CLOCK: variants seen among roughly 807,000 people sequenced by gnomAD.
CLOCK encodes the protein circadian locomoter output cycles protein kaput.
In CLOCK, 43 loss-of-function variants were observed where a neutral mutation model predicts 118.4. The ratio of observed to expected loss-of-function variants is 0.36; its 90% CI spans 0.28 to 0.47. The LOEUF (loss-of-function observed/expected upper bound fraction) is 0.47. Among genes scored for constraint, CLOCK ranks in the 20% least tolerant of loss-of-function variants. CLOCK has a pLI of 1.00. For missense variants in CLOCK, 846 were observed against 999.9 expected (o/e 0.85, Z 2.08); for synonymous variants, 326 against 339.2 (o/e 0.96, Z 0.43).
intron 2 of CLOCK, among the ~76,000 whole-genome samples, chr4:55,503,978 T>TAAAAAAAGAA (rs1728602161): frequency 1.4e-5 from 1 of 71,130 alleles, no homozygotes; most frequent in African/African-American, 5.1e-5. Flanking sequence ...CAAAAAGAGG[T>TAAAAAAAGAA]AAAAAAAAAA....
intron 7 of CLOCK, among the ~76,000 whole-genome samples, chr4:55,474,166 C>T (rs1462645635): frequency 6.6e-6 from 1 of 152,062 alleles, no homozygotes; most frequent in East Asian, 1.9e-4. Flanking sequence ...TTAGTGAACA[C>T]ATGTATGATA....
intron 14 of CLOCK, chr4:55,453,330 G>A: frequency 1.8e-6 from 1 of 554,046 alleles, no homozygotes; most frequent in Non-Finnish European, 3.2e-6. Context: ...ATACACTGCT[G>A]TAAACGATCC....
At position 55,443,889 on chromosome 4, in the gene CLOCK, A is replaced by G. The variant is rs1223572287; in HGVS notation, c.1700T>C (p.Leu567Ser). Reference protein sequence around the residue: ...MVHGQGLQMFLQQSNPGLNFG... With the variant: ...MVHGQGLQMFSQQSNPGLNFG... ...ATTCAACCCAGGATTTGATTGTTGCAAAAACATCTTTAAAAATAAAGATTA... is the reference window on the plus strand; with the variant it reads ...ATTCAACCCAGGATTTGATTGTTGCGAAAACATCTTTAAAAATAAAGATTA... Residue 567 changes from leucine (L) to serine (S), a missense_variant, in exon 20 of 23, where the codon TTG (leucine) becomes TCG (serine). Around this residue, in one of 4 missense-constraint regions of CLOCK, gnomAD observed 520 missense variants for 558.0 expected, o/e 0.93. Coordinates refer to ENST00000513440, the MANE Select transcript of CLOCK (RefSeq NM_004898.4). 1.9e-6 allele frequency: 3 copies of G among 1,611,930 alleles called. No individual in the cohort carries two copies. The highest frequency in any genetic ancestry group is 2.5e-6 in the Non-Finnish European group (3 of 1,179,532).
intron 11 of CLOCK, among the ~76,000 whole-genome samples, chr4:55,457,934 G>C (rs1298832384): frequency 2.0e-5 from 3 of 152,158 alleles, no homozygotes; most frequent in Non-Finnish European, 4.4e-5. Flanking sequence ...AAGAATTAAT[G>C]AGATAATGCA....
intron 1 of CLOCK, among the ~76,000 whole-genome samples, chr4:55,535,383 C>A (rs1380522496): frequency 6.6e-6 from 1 of 152,072 alleles, no homozygotes; most frequent in Admixed American, 6.6e-5. Context: ...TAAAACAGCT[C>A]ATAAATATTG....
intron 11 of CLOCK, among the ~76,000 whole-genome samples, 189 bp from the exon 12 acceptor site, chr4:55,456,489 C>T (rs563262170): frequency 2.0e-5 from 3 of 152,044 alleles, no homozygotes; most frequent in East Asian, 1.9e-4. Context: ...TGGTGAAACC[C>T]GATTTCTACT....
In CLOCK at chr4:55,430,804, A is replaced by T. The variant is rs1183371774; in HGVS notation, c.*4611T>A. ...TGCAATTTTCCTAGACCTCTGAAAA[A>T]TAAACAGGCTCATTGGTCTCTTTTG... On this transcript the variant is annotated 3_prime_UTR_variant, in exon 23 of 23. Transcript: ENST00000513440. 1 of 152,208 alleles carries T rather than the reference A, an allele frequency of 6.6e-6. No homozygotes were observed. The highest frequency in any genetic ancestry group is 1.5e-5 in the Non-Finnish European group (1 of 68,018). 9.4% of individuals were successfully genotyped at this position (152,208 alleles called of 1,614,324 possible).
At chr4:55,470,835 T>C in intron 7 of CLOCK, 29 bp from the exon 8 acceptor site, 1 of 1,494,426 alleles carries the variant, frequency 6.7e-7, no homozygotes, top group Non-Finnish European at 9.3e-7. Flanking sequence ...ATATGTTAAA[T>C]GAAAAGAAAA....
intron 2 of CLOCK, among the ~76,000 whole-genome samples, chr4:55,501,273 C>T (rs1728416287): frequency 6.7e-6 from 1 of 148,342 alleles, no homozygotes; most frequent in African/African-American, 2.4e-5. Context: ...TTTTTCCTTT[C>T]ACTTACCAAT....
At chr4:55,497,245 C>G (rs771795540) in intron 2 of CLOCK, among the ~76,000 whole-genome samples, 1 of 152,122 alleles carries the variant, frequency 6.6e-6, no homozygotes, top group Non-Finnish European at 1.5e-5. Flanking sequence ...CTCATAGCTC[C>G]CTCTACTCCA....
chr4:55,480,661 C>T (rs911403475), intron 4 of CLOCK, among the ~76,000 whole-genome samples: 7 of 152,092 alleles, frequency 4.6e-5, no homozygotes, highest in African/African-American at 1.2e-4. Context: ...GAGGCCGAGG[C>T]GGGCGGATCA....
At position 55,450,082 on chromosome 4, in the gene CLOCK, G is replaced by C. The variant is rs1205962110; in HGVS notation, c.1348+9C>G. The C allele has an allele frequency of 6.2e-7, 1 of 1,614,032 alleles. No individual in the cohort carries two copies. The highest frequency in any genetic ancestry group is 1.7e-5 in the Admixed American group (1 of 60,006). On this transcript the variant is annotated intron_variant, in intron 16 of 22. Transcript: ENST00000513440. ...TAAAGGAAGTCTGCTTTGAAGCAAGGGTACTCACAGGAAGGGTCTGAGACG... is the reference window on the plus strand; with the variant it reads ...TAAAGGAAGTCTGCTTTGAAGCAAGCGTACTCACAGGAAGGGTCTGAGACG...
chr4:55,446,965 A>G (rs894928006), intron 18 of CLOCK, among the ~76,000 whole-genome samples: 1 of 152,218 alleles, frequency 6.6e-6, no homozygotes, highest in African/African-American at 2.4e-5. Context: ...GAAATTAACA[A>G]TAACCAGACC....
chr4:55,533,315 G>A (rs555573305), intron 1 of CLOCK, among the ~76,000 whole-genome samples: 2 of 152,046 alleles, frequency 1.3e-5, no homozygotes, highest in Non-Finnish European at 2.9e-5. Flanking sequence ...ATAAACGCTC[G>A]CACATGCCAC....
intron 8 of CLOCK, among the ~76,000 whole-genome samples, chr4:55,466,310 G>A (rs190831876): frequency 5.9e-5 from 9 of 152,100 alleles, no homozygotes; most frequent in Admixed American, 2.6e-4. Context: ...TTCCCCTTCC[G>A]CCATGACTGT....
At chr4:55,531,129 G>A (rs915703899) in intron 1 of CLOCK, among the ~76,000 whole-genome samples, 12 of 151,934 alleles carry the variant, frequency 7.9e-5, no homozygotes, top group Admixed American at 3.3e-4. Flanking sequence ...AGAATATAAA[G>A]CAATCTAGCG....
chr4:55,525,786 T>A (rs976083017), intron 1 of CLOCK, among the ~76,000 whole-genome samples: 1 of 151,780 alleles, frequency 6.6e-6, no homozygotes, highest in African/African-American at 2.4e-5. Flanking sequence ...AAAAATTTTT[T>A]AAAGTATATG....
intron 21 of CLOCK, among the ~76,000 whole-genome samples, chr4:55,439,816 G>A (rs772939027): frequency 6.6e-6 from 1 of 152,118 alleles, no homozygotes; most frequent in Non-Finnish European, 1.5e-5. Flanking sequence ...CCAATTTACA[G>A]GGACAGAAAG....
intron 18 of CLOCK, among the ~76,000 whole-genome samples, chr4:55,445,890 C>T (rs1019390922): frequency 3.9e-5 from 6 of 151,956 alleles, no homozygotes; most frequent in African/African-American, 1.4e-4. Context: ...GCCACCACAC[C>T]CAGCTTTATT....
Sources: allele counts gnomAD v4.1 joint callset (sites outside exome capture counted in the v4.1 genomes callset), GRCh38; gene constraint gnomAD v4.1.1; regional missense constraint gnomAD v4.1.1; transcripts MANE v1.5; gene names NCBI Gene and HGNC (gene_info 2026-07-23, HGNC 2026-07-21).